MACROD2: variants seen among roughly 807,000 people sequenced by gnomAD.
The protein encoded by MACROD2 is ADP-ribose glycohydrolase MACROD2.
Under a neutral mutation model 70.4 loss-of-function variants are expected in MACROD2, and 36 were observed. The ratio of observed to expected loss-of-function variants is 0.51; its 90% CI spans 0.39 to 0.68. The LOEUF (loss-of-function observed/expected upper bound fraction) is 0.68. Among genes scored for constraint, MACROD2 ranks in the 30% least tolerant of loss-of-function variants. The probability of loss-of-function intolerance (pLI) is 0.00; values close to 1 mark genes in which losing one functional copy is unlikely to be tolerated. For synonymous variants in MACROD2, 172 were observed against 178.8 expected (o/e 0.96, Z 0.30); for missense variants, 496 against 538.4 (o/e 0.92, Z 0.78).
At chr20:15,311,466 A>C (rs531377697) in intron 6 of MACROD2, among the ~76,000 whole-genome samples, 12 of 152,246 alleles carry the variant, frequency 7.9e-5, no homozygotes, top group Admixed American at 2.0e-4. Flanking sequence ...TAGTTCTGCC[A>C]AAATGACACA....
intron 3 of MACROD2, among the ~76,000 whole-genome samples, chr20:14,465,806 T>A (rs1197840043): frequency 5.3e-5 from 8 of 152,126 alleles, no homozygotes; most frequent in African/African-American, 1.9e-4. Flanking sequence ...TTAGTTTGGC[T>A]GGATATGAAA....
At chr20:14,316,156 CA>C (rs371622986) in intron 3 of MACROD2, among the ~76,000 whole-genome samples, 1 of 152,210 alleles carries the variant, frequency 6.6e-6, no homozygotes, top group African/African-American at 2.4e-5. Context: ...GTAGGGAACC[CA>C]GACATTAAGG....
chr20:14,185,773 C>G (rs1474251318), intron 3 of MACROD2, among the ~76,000 whole-genome samples: 1 of 152,014 alleles, frequency 6.6e-6, no homozygotes, highest in Non-Finnish European at 1.5e-5. Context: ...TCAGTCACCT[C>G]CTTTGTAAAT....
chr20:14,797,416 T>C (rs2122127392), intron 5 of MACROD2, among the ~76,000 whole-genome samples: 1 of 152,170 alleles, frequency 6.6e-6, no homozygotes, highest in South Asian at 2.1e-4. Flanking sequence ...CTTGTAGCAC[T>C]CTGTCCCCAC....
At chr20:15,782,619 T>C (rs1021061450) in intron 8 of MACROD2, among the ~76,000 whole-genome samples, 1 of 150,406 alleles carries the variant, frequency 6.6e-6, no homozygotes, top group African/African-American at 2.5e-5. Context: ...CCTATAACCA[T>C]TTTCCTTTCA....
chr20:14,095,228 A>C (rs763622862), intron 3 of MACROD2, among the ~76,000 whole-genome samples: 2 of 152,182 alleles, frequency 1.3e-5, no homozygotes, highest in Non-Finnish European at 2.9e-5. Flanking sequence ...TAAAGGCTTT[A>C]TAAGATTTTT....
chr20:15,556,252 G>A (rs2048167579), intron 8 of MACROD2, among the ~76,000 whole-genome samples: 1 of 152,190 alleles, frequency 6.6e-6, no homozygotes, highest in Non-Finnish European at 1.5e-5. Flanking sequence ...CAGAGTACAG[G>A]GTTGTGTGAG....
intron 4 of MACROD2, among the ~76,000 whole-genome samples, chr20:14,509,267 C>A (rs1432441478): frequency 6.6e-6 from 1 of 152,016 alleles, no homozygotes; most frequent in Non-Finnish European, 1.5e-5. Context: ...TCCATACATA[C>A]ATTTACAATT....
intron 6 of MACROD2, among the ~76,000 whole-genome samples, chr20:15,232,548 G>A (rs113028317): frequency 2.2e-4 from 34 of 152,110 alleles, no homozygotes; most frequent in African/African-American, 7.9e-4. Context: ...TGTTGTTATA[G>A]GGATCAGTCG....
chr20:15,957,462 G>T (rs1227777413), intron 12 of MACROD2, among the ~76,000 whole-genome samples: 2 of 152,064 alleles, frequency 1.3e-5, no homozygotes, highest in Non-Finnish European at 2.9e-5. Flanking sequence ...ACGTCTCTAG[G>T]TTGGAGCATA....
intron 9 of MACROD2, among the ~76,000 whole-genome samples, chr20:15,883,907 G>A (rs1192174637): frequency 6.6e-6 from 1 of 152,094 alleles, no homozygotes; most frequent in East Asian, 1.9e-4. Flanking sequence ...TTGAAAGAGA[G>A]ATAAAATAAC....
At chr20:15,069,487 G>A (rs985321901) in intron 5 of MACROD2, among the ~76,000 whole-genome samples, 8 of 152,160 alleles carry the variant, frequency 5.3e-5, no homozygotes, top group Admixed American at 3.3e-4. Context: ...AGAACTCTAG[G>A]CTGCCCTTCC....
chr20:14,485,013 G>A (rs1223653812), intron 3 of MACROD2, among the ~76,000 whole-genome samples: 5 of 149,822 alleles, frequency 3.3e-5, no homozygotes, highest in Admixed American at 6.6e-5. Flanking sequence ...GGATCATATG[G>A]TAGCTCTGTT....
chr20:14,637,460 G>T (rs1013468944), intron 4 of MACROD2, among the ~76,000 whole-genome samples: 10 of 152,192 alleles, frequency 6.6e-5, no homozygotes, highest in African/African-American at 2.4e-4. Flanking sequence ...TGAATGCTGG[G>T]TAAAATATTA....
chr20:15,536,124 CT>C (rs2047871698), intron 8 of MACROD2, among the ~76,000 whole-genome samples: 1 of 152,194 alleles, frequency 6.6e-6, no homozygotes, highest in Non-Finnish European at 1.5e-5. Context: ...CTCATCAGCA[CT>C]TCTGATTTCC....
At chr20:15,675,603 A>G (rs147999123) in intron 8 of MACROD2, among the ~76,000 whole-genome samples, 1 of 152,320 alleles carries the variant, frequency 6.6e-6, no homozygotes, top group Non-Finnish European at 1.5e-5. Context: ...AGGAATTACC[A>G]TATCAGCTAA....
chr20:15,664,451 C>G (rs2049868611), intron 8 of MACROD2, among the ~76,000 whole-genome samples: 1 of 152,122 alleles, frequency 6.6e-6, no homozygotes, highest in South Asian at 2.1e-4. Context: ...TGAATTTAGT[C>G]AGTGTATCAA....
At chr20:15,024,348 A>G (rs2075213373) in intron 5 of MACROD2, among the ~76,000 whole-genome samples, 1 of 152,176 alleles carries the variant, frequency 6.6e-6, no homozygotes, top group Non-Finnish European at 1.5e-5. Context: ...AACAGGAAGG[A>G]CAAGAAGGAA....
rs571183928 is a variant in MACROD2, at chr20:15,919,591, C to T, written c.776-13685C>T. On this transcript the variant is annotated intron_variant, in intron 10 of 17. Coordinates refer to ENST00000684519, the MANE Select transcript of MACROD2 (RefSeq NM_001351661.2). Reference sequence around the variant, plus strand: ...TTCTACTAAAAATACAAGAAATTAGCGGGTGTGGTGGTGTGTGCCTGTAAT... The same window carrying T: ...TTCTACTAAAAATACAAGAAATTAGTGGGTGTGGTGGTGTGTGCCTGTAAT... Among the ~76,000 whole-genome samples, 4 of 152,120 alleles carry T rather than the reference C, an allele frequency of 2.6e-5. No individual in the cohort carries two copies. The South Asian group carries it at 6.2e-4, about 24-fold the overall frequency.
Sources: allele counts gnomAD v4.1 joint callset (sites outside exome capture counted in the v4.1 genomes callset), GRCh38; gene constraint gnomAD v4.1.1; transcripts MANE v1.5; gene names NCBI Gene and HGNC (gene_info 2026-07-23, HGNC 2026-07-21).